The following ARFGEF2 variants were observed in gnomAD, a reference collection of about 807,000 sequenced individuals.
The protein encoded by ARFGEF2 is ARF guanine nucleotide exchange factor 2.
ARFGEF2 carries 74 observed loss-of-function variants against 219.9 expected under a neutral mutation model. That is an observed-to-expected ratio of 0.34 (90% confidence interval 0.28 to 0.41). ARFGEF2 has a LOEUF of 0.41. Among genes scored for constraint, ARFGEF2 ranks in the 10% least tolerant of loss-of-function variants. The pLI is 1.00. For missense variants in ARFGEF2, 1,743 were observed against 2,218.3 expected (o/e 0.79, Z 4.30); for synonymous variants, 733 against 799.2 (o/e 0.92, Z 1.40).
At chr20:48,931,671 G>C (rs1429716787) in intron 1 of ARFGEF2, among the ~76,000 whole-genome samples, 1 of 151,082 alleles carries the variant, frequency 6.6e-6, no homozygotes. Context: ...GGAGATATCT[G>C]GGGGGAGGGA....
chr20:48,990,977 A>T, intron 20 of ARFGEF2, 63 bp from the exon 21 acceptor site: 1 of 1,565,304 alleles, frequency 6.4e-7, no homozygotes, highest in Non-Finnish European at 8.7e-7. Context: ...CCAGCCCTGC[A>T]GATGTGAGAA....
chr20:48,957,975 G>T (rs1339845514), intron 6 of ARFGEF2, among the ~76,000 whole-genome samples: 1 of 152,208 alleles, frequency 6.6e-6, no homozygotes, highest in African/African-American at 2.4e-5. Flanking sequence ...GTGAGGGAAA[G>T]AGGAGATCCA....
chr20:49,002,748 A>G (rs942220321), intron 25 of ARFGEF2, among the ~76,000 whole-genome samples: 2 of 68,696 alleles, frequency 2.9e-5, no homozygotes, highest in African/African-American at 1.2e-4. Flanking sequence ...AGTACAAGCA[A>G]TTCTCCTGCC....
At chr20:48,963,537 G>A (rs1360432501) in intron 6 of ARFGEF2, among the ~76,000 whole-genome samples, 1 of 152,194 alleles carries the variant, frequency 6.6e-6, no homozygotes, top group African/African-American at 2.4e-5. Context: ...GTTGGGGGTG[G>A]TGGGGAGGGC....
intron 37 of ARFGEF2, among the ~76,000 whole-genome samples, chr20:49,030,683 A>G (rs1432975984): frequency 1.3e-5 from 2 of 152,166 alleles, no homozygotes; most frequent in South Asian, 2.1e-4. Context: ...AAATACCTAC[A>G]GTCTCATAAA....
intron 6 of ARFGEF2, 62 bp downstream of exon 6, chr20:48,953,852 C>A: frequency 6.8e-7 from 1 of 1,466,150 alleles, no homozygotes; most frequent in Non-Finnish European, 9.5e-7. Context: ...CTGTGAGGGG[C>A]AGAAGAAGTG....
At chr20:48,993,217 T>C (rs2091367106) in intron 21 of ARFGEF2, among the ~76,000 whole-genome samples, 1 of 152,184 alleles carries the variant, frequency 6.6e-6, no homozygotes, top group Non-Finnish European at 1.5e-5. Context: ...CAGCCAAGTA[T>C]ATGGCAGAAT....
intron 34 of ARFGEF2, 67 bp downstream of exon 34, chr20:49,019,065 A>G (rs2123543696): frequency 1.5e-6 from 2 of 1,324,674 alleles, no homozygotes. Flanking sequence ...TTCAGAAGGC[A>G]CAAAAGGGTA....
At chr20:48,952,121 G>A (rs6012570) in intron 4 of ARFGEF2, among the ~76,000 whole-genome samples, 101,939 of 144,168 alleles carry the variant, frequency 0.71, 37,138 homozygotes, top group African/African-American at 0.91. Flanking sequence ...AGGTTTTTCA[G>A]TCAGTATGAA....
intron 7 of ARFGEF2, 107 bp downstream of exon 7, chr20:48,964,005 G>C (rs552229581): frequency 4.5e-5 from 46 of 1,014,896 alleles, no homozygotes; most frequent in Admixed American, 6.0e-5. Flanking sequence ...CTAAGAACTG[G>C]TGGAGCTCAT....
chr20:49,028,256 C>G (rs1354571534), intron 36 of ARFGEF2, among the ~76,000 whole-genome samples: 2 of 150,818 alleles, frequency 1.3e-5, no homozygotes, highest in Non-Finnish European at 3.0e-5. Flanking sequence ...GAAACTGTCT[C>G]AAAAACAAAA....
chr20:48,948,825 G>A (rs549198109), intron 3 of ARFGEF2, among the ~76,000 whole-genome samples: 2 of 152,296 alleles, frequency 1.3e-5, no homozygotes, highest in East Asian at 1.9e-4. Context: ...CCGTCTTCCC[G>A]CCGCTCATTG....
intron 1 of ARFGEF2, among the ~76,000 whole-genome samples, chr20:48,940,529 C>T (rs1298209706): frequency 6.6e-6 from 1 of 152,116 alleles, no homozygotes; most frequent in Non-Finnish European, 1.5e-5. Context: ...GTGATATTAC[C>T]ATGTTATTGT....
At chr20:48,973,366 A>G in intron 12 of ARFGEF2, 82 bp downstream of exon 12, 1 of 1,459,890 alleles carries the variant, frequency 6.8e-7, no homozygotes, top group Non-Finnish European at 9.5e-7. Context: ...CATGCCAGGC[A>G]CTGTCCTTGA....
intron 7 of ARFGEF2, 85 bp downstream of exon 7, chr20:48,963,983 C>T: frequency 8.0e-7 from 1 of 1,252,300 alleles, no homozygotes; most frequent in South Asian, 1.3e-5. Context: ...GTGGAGTTTC[C>T]TCTTCCCTGC....
At chr20:48,927,021 T>C (rs1449805287) in intron 1 of ARFGEF2, among the ~76,000 whole-genome samples, 1 of 152,108 alleles carries the variant, frequency 6.6e-6, no homozygotes, top group Non-Finnish European at 1.5e-5. Flanking sequence ...CAGACTGGCA[T>C]GGGTTGAGGC....
At chr20:49,016,218 C>A (rs2091528901) in intron 30 of ARFGEF2, 62 bp from the exon 31 acceptor site, 1 of 1,592,140 alleles carries the variant, frequency 6.3e-7, no homozygotes. Context: ...CAGGAGTGTA[C>A]AAGAATGCCC....
At chr20:48,927,957 A>G (rs1309004660) in intron 1 of ARFGEF2, among the ~76,000 whole-genome samples, 1 of 152,138 alleles carries the variant, frequency 6.6e-6, no homozygotes, top group Non-Finnish European at 1.5e-5. Context: ...GATTATTGAA[A>G]AGCATTTATA....
rs758062147 is a variant in ARFGEF2, at chr20:48,969,222, C to T, written c.1135C>T (p.Arg379Cys). The T allele has an allele frequency of 1.3e-5, 21 of 1,614,186 alleles. No homozygotes were observed. The highest frequency in any genetic ancestry group is 1.3e-5 in the African/African-American group (1 of 75,042). ...VLQKDAFLVF[R>C]SLCKLSMKPL... ...GCAGAAGGATGCCTTCCTTGTGTTCCGCTCCCTGTGCAAGCTGTCCATGAA... is the reference window on the plus strand; with the variant it reads ...GCAGAAGGATGCCTTCCTTGTGTTCTGCTCCCTGTGCAAGCTGTCCATGAA... The change falls in exon 9 of 39, where the codon CGC (arginine) becomes TGC (cysteine). Residue 379 changes from arginine to cysteine, a missense_variant. By Grantham distance (180) the Arg-to-Cys change is radical. This residue lies in a region of ARFGEF2 where 666 missense variants were observed against 955.4 expected (regional missense o/e 0.70). Coordinates refer to ENST00000371917, the MANE Select transcript of ARFGEF2 (RefSeq NM_006420.3).
Sources: gnomAD v4.1 joint callset for allele counts (sites outside exome capture counted in the v4.1 genomes callset) on GRCh38, gnomAD v4.1.1 for gene constraint, gnomAD v4.1.1 regional missense constraint, MANE v1.5 for transcripts, NCBI Gene and HGNC (gene_info 2026-07-23, HGNC 2026-07-21) for gene names.